Variants in RUSF1 observed in about 807,000 individuals in gnomAD.
RUSF1 encodes the protein RUS1 family protein C16orf58.
A neutral mutation model predicts 63.0 loss-of-function variants in RUSF1; 58 were observed. The observed-to-expected ratio is 0.92, with a 90% CI of 0.75 to 1.15. The LOEUF is 1.15. Ranked by LOEUF, RUSF1 falls within the 50% of genes most tolerant of loss-of-function variation. The probability of loss-of-function intolerance (pLI) is 0.00; values close to 1 mark genes in which losing one functional copy is unlikely to be tolerated. For missense variants in RUSF1, 652 were observed against 611.0 expected (o/e 1.07, Z -0.71); for synonymous variants, 274 against 255.8 (o/e 1.07, Z -0.68).
intron 6 of RUSF1, among the ~76,000 whole-genome samples, chr16:31,495,189 C>T (rs1386189487): frequency 1.3e-5 from 2 of 152,160 alleles, no homozygotes; most frequent in African/African-American, 4.8e-5. Context: ...CTGCCCCCAA[C>T]TCATCATGAG....
At chr16:31,491,618 CTT>C (rs955069758) in intron 12 of RUSF1, among the ~76,000 whole-genome samples, 39 of 122,964 alleles carry the variant, frequency 3.2e-4, no homozygotes, top group Non-Finnish European at 2.6e-4. Flanking sequence ...GCCCGACAGT[CTT>C]TTTTTTTTTT....
chr16:31,500,838 G>A, intron 2 of RUSF1, 107 bp from the exon 3 acceptor site: 1 of 1,226,894 alleles, frequency 8.2e-7, no homozygotes, highest in East Asian at 2.4e-5. Flanking sequence ...ACTGCCTTTG[G>A]GAACTCGGTC....
In RUSF1 at chr16:31,508,355, A is replaced by C. The variant is rs142946872; in HGVS notation, c.19T>G (p.Leu7Val). 2 of 1,528,956 alleles carry C rather than the reference A, an allele frequency of 1.3e-6. No individual in the cohort carries two copies. The highest frequency in any genetic ancestry group is 1.7e-6 in the Non-Finnish European group (2 of 1,150,696). 94.7% of individuals were successfully genotyped at this position (1,528,956 alleles called of 1,614,324 possible). The change falls in exon 1 of 13, where the codon TTG becomes GTG. Residue 7 changes from leucine to valine, a missense_variant. Transcript: ENST00000327237. ...TGCTCGGAACACAGCGGGGTCTCCA[A>C]ACCCGCGTCGTCAGCCATGCCGAGC... MADDAG[L>V]ETPLCSEQFG...
At position 31,499,347 on chromosome 16, in the gene RUSF1, G is replaced by C. The variant is rs2082620771; in HGVS notation, c.555C>G (p.Tyr185Ter). 1 of 1,613,800 alleles carries C rather than the reference G, an allele frequency of 6.2e-7. No homozygotes were observed. The change falls in exon 5 of 13, where the codon TAC becomes TAG. Residue 185 changes from tyrosine (Y) to a stop codon, truncating the protein, a stop_gained. Transcript: ENST00000327237. LOFTEE classifies it high-confidence loss of function. ...AMFLEIMAPV[Y>*]PICFTMTVST... ...AGACGGTCATGGTGAAACAGATTGG[G>C]TATACAGGAGCCATAATCTCAAGGA...
At chr16:31,507,086 G>A (rs1449558067) in intron 2 of RUSF1, among the ~76,000 whole-genome samples, 2 of 152,118 alleles carry the variant, frequency 1.3e-5, no homozygotes, top group African/African-American at 4.8e-5. Flanking sequence ...AAGAAACCCC[G>A]CAATTACTTT....
Position 31,490,609 on chromosome 16 carries a change from A to C in RUSF1, c.*226T>G. On this transcript the variant is annotated 3_prime_UTR_variant, in exon 13 of 13. Coordinates refer to ENST00000327237, the MANE Select transcript of RUSF1 (RefSeq NM_022744.4). ...GTGAGGAGCCTGCGGTGCTCCCCAG[A>C]AAAGGGGAAGGGGCAGTGGGGTGAG... is the stretch of plus-strand genomic sequence containing the variant. 1 of 1,330,178 alleles carries C rather than the reference A, an allele frequency of 7.5e-7. No individual in the cohort carries two copies. Among genetic ancestry groups the C allele is most frequent in the South Asian group, 1.2e-5 (1 of 81,136 alleles). The allele number at this position is 1,330,178 out of a possible 1,614,324, so 82.4% of individuals were successfully genotyped here. A position where few individuals can be genotyped will look rare whatever the true frequency, so the allele number is the denominator to read the frequency against.
chr16:31,491,880 T>G, intron 12 of RUSF1, 129 bp downstream of exon 12: 1 of 958,086 alleles, frequency 1.0e-6, no homozygotes, highest in Non-Finnish European at 1.6e-6. Context: ...ATCATAGGTG[T>G]GAGCCTCTGC....
At chr16:31,498,625 AG>A (rs2082616403) in intron 5 of RUSF1, among the ~76,000 whole-genome samples, 2 of 152,160 alleles carry the variant, frequency 1.3e-5, no homozygotes, top group Admixed American at 6.5e-5. Flanking sequence ...TCAACCTGCA[AG>A]GGTTGTGCAG....
chr16:31,495,538 G>A (rs2082597656), intron 6 of RUSF1, among the ~76,000 whole-genome samples: 1 of 152,150 alleles, frequency 6.6e-6, no homozygotes, highest in Non-Finnish European at 1.5e-5. Context: ...AAGCCCTGGG[G>A]TCTTGGGAAA....
At chr16:31,494,124 C>A (rs1339297666) in intron 6 of RUSF1, among the ~76,000 whole-genome samples, 188 bp from the exon 7 acceptor site, 1 of 152,148 alleles carries the variant, frequency 6.6e-6, no homozygotes, top group African/African-American at 2.4e-5. Context: ...GTGGCTCACA[C>A]CTGTAGTACC....
chr16:31,497,051 A>T (rs1191741064), intron 5 of RUSF1, 101 bp from the exon 6 acceptor site: 10 of 910,100 alleles, frequency 1.1e-5, no homozygotes, highest in African/African-American at 1.7e-5. Flanking sequence ...CAAACTCTGA[A>T]TGCTGTCCTT....
rs1453399887 is a variant in RUSF1, at chr16:31,492,331, T to A, written c.1097A>T (p.Gln366Leu). ...LCWDQSQNQV[Q>L]VVLNQKAGPK... ...GCCTGCCTTCTGGTTCAGAACTACC[T>A]GTACCTGGTCTGGAGGGACCCAGAG... The change falls in exon 11 of 13, where the codon CAG becomes CTG. Residue 366 changes from glutamine (Q) to leucine (L), a missense_variant. Physicochemically the swap from Gln to Leu is moderately radical, Grantham distance 113. Coordinates refer to ENST00000327237, the MANE Select transcript of RUSF1 (RefSeq NM_022744.4). 3.8e-6 allele frequency: 6 copies of A among 1,575,754 alleles called. No homozygotes were observed. The highest frequency in any genetic ancestry group is 1.7e-4 in the Middle Eastern group (1 of 5,882).
chr16:31,492,433 A>C, intron 10 of RUSF1, 93 bp from the exon 11 acceptor site: 2 of 1,388,934 alleles, frequency 1.4e-6, no homozygotes, highest in Non-Finnish European at 9.5e-7. Context: ...CTGCCCCAAG[A>C]CCTTGGCCTG....
chr16:31,507,957 G>T, intron 1 of RUSF1, 79 bp from the exon 2 acceptor site: 1 of 1,528,144 alleles, frequency 6.5e-7, no homozygotes, highest in Non-Finnish European at 8.9e-7. Flanking sequence ...TCTTGTTCTT[G>T]GTGTATGAGG....
Position 31,490,870 on chromosome 16 carries a change from T to G in RUSF1, c.1372A>C (p.Thr458Pro). ...TTCTTTTCGGGAGACAGAAGCCATGTGGCCCTCCACTCATCCACCTCTAGC... is the reference window on the plus strand; with the variant it reads ...TTCTTTTCGGGAGACAGAAGCCATGGGGCCCTCCACTCATCCACCTCTAGC... ...HQLEVDEWRA[T>P]WLLSPEKKVL Residue 458 changes from threonine to proline, a missense_variant, in exon 13 of 13, where the codon ACA (threonine) becomes CCA (proline). Thr to Pro is a conservative substitution (Grantham distance 38). Coordinates refer to ENST00000327237, the MANE Select transcript of RUSF1 (RefSeq NM_022744.4). The G allele has an allele frequency of 1.2e-6, 2 of 1,614,186 alleles. No homozygotes were observed. The highest frequency in any genetic ancestry group is 2.2e-5 in the South Asian group (2 of 91,082).
intron 2 of RUSF1, among the ~76,000 whole-genome samples, chr16:31,507,511 G>A (rs1201890604): frequency 6.6e-6 from 1 of 152,164 alleles, no homozygotes; most frequent in Non-Finnish European, 1.5e-5. Context: ...GAGGGGACGG[G>A]ATTTGGGATC....
rs773273841 is a variant in RUSF1 at position 31,497,547 on chromosome 16, GGCGGGCCTGGAACT to G, written c.601-611_601-598del. On this transcript the variant is annotated intron_variant, in intron 5 of 12. Coordinates refer to ENST00000327237, the MANE Select transcript of RUSF1 (RefSeq NM_022744.4). ...AGACAGAGTCTCCCTGTGTTGCCCA[GGCGGGCCTGGAACT>G]CCTGGGCTCAAGAGATCTTCCCACG... 3.7e-3 allele frequency among the ~76,000 whole-genome samples: 570 copies of G among 152,226 alleles called. 2 individuals are homozygous for G. Among genetic ancestry groups the G allele is most frequent in the Middle Eastern group, 0.01 (3 of 294 alleles).
chr16:31,507,697 C>T, intron 2 of RUSF1, 67 bp downstream of exon 2: 2 of 1,430,504 alleles, frequency 1.4e-6, no homozygotes, highest in Non-Finnish European at 1.9e-6. Flanking sequence ...TACATATATA[C>T]ACATAAGAGC....
intron 2 of RUSF1, among the ~76,000 whole-genome samples, chr16:31,503,650 A>G (rs1463953580): frequency 6.6e-6 from 1 of 152,212 alleles, no homozygotes; most frequent in Non-Finnish European, 1.5e-5. Flanking sequence ...TTCTTTTACT[A>G]TCAATAACAA....
Sources: allele counts gnomAD v4.1 joint callset (sites outside exome capture counted in the v4.1 genomes callset), GRCh38; gene constraint gnomAD v4.1.1; transcripts MANE v1.5; gene names NCBI Gene and HGNC (gene_info 2026-07-23, HGNC 2026-07-21).